Variants in POU5F2 observed in about 807,000 individuals in gnomAD.
POU5F2 encodes the protein POU domain, class 5, transcription factor 2.
For missense variants in POU5F2, 401 were observed against 426.6 expected (o/e 0.94, Z 0.53); for synonymous variants, 191 against 178.7 (o/e 1.07, Z -0.55).
chr5:93,736,172 A>G lies in POU5F2; in HGVS notation c.*4405T>C, dbSNP rs531455647. The G allele has an allele frequency of 2.6e-5, 4 of 152,272 alleles. No homozygotes were observed. The highest frequency in any genetic ancestry group is 6.5e-5 in the Admixed American group (1 of 15,308). The allele number at this position is 152,272 out of a possible 1,614,324, so 9.4% of individuals were successfully genotyped here. On this transcript the variant is annotated 3_prime_UTR_variant, in exon 1 of 1. Coordinates refer to ENST00000606183, the MANE Select transcript of POU5F2 (RefSeq NM_153216.2). ...CATTTACACTTGCTTTGTGGCCATC[A>G]TATTTCCAATGTGATTCTATATTCT...
rs2149611468 is a variant in POU5F2 at position 93,741,023 on chromosome 5, G to C, written c.541C>G (p.Arg181Gly). The change falls in exon 1 of 1, where the codon CGA becomes GGA. Residue 181 changes from arginine to glycine, a missense_variant. By Grantham distance (125) the Arg-to-Gly change is moderately radical. Coordinates refer to ENST00000606183, the MANE Select transcript of POU5F2 (RefSeq NM_153216.2). The stretch of plus-strand genomic sequence containing the variant: ...TTCAGCCACTTTTTCAGCAGTGGTC[G>C]CAGCTTCCACATGTTGGCGACGCTT... ...QLSVANMWKL[R>G]PLLKKWLKEV... 1.2e-6 allele frequency: 2 copies of C among 1,613,692 alleles called. No homozygotes were observed. Among genetic ancestry groups the C allele is most frequent in the Non-Finnish European group, 1.7e-6 (2 of 1,179,912 alleles).
rs1017030759 is a variant in POU5F2, at chr5:93,736,389, C to A, written c.*4188G>T. ...AATGTAAGTGCAGCATTAATATTTA[C>A]TTGACTTTTGTTTTTAAAGTACTTC... On this transcript the variant is annotated 3_prime_UTR_variant, in exon 1 of 1. Transcript: ENST00000606183. 3.3e-5 allele frequency: 5 copies of A among 152,164 alleles called. No individual in the cohort carries two copies. The highest frequency in any genetic ancestry group is 1.2e-4 in the African/African-American group (5 of 41,450). The allele number at this position is 152,164 out of a possible 1,614,324, so 9.4% of individuals were successfully genotyped here. A position where few individuals can be genotyped will look rare whatever the true frequency, so the allele number is the denominator to read the frequency against.
In POU5F2 at chr5:93,736,812, G is replaced by A. The variant is rs980344373; in HGVS notation, c.*3765C>T. On this transcript the variant is annotated 3_prime_UTR_variant, in exon 1 of 1. Coordinates refer to ENST00000606183, the MANE Select transcript of POU5F2 (RefSeq NM_153216.2). The stretch of plus-strand genomic sequence containing the variant: ...AAGAAAAAAGGAACTTCCTCAACAT[G>A]TAGAGTACGTATGAAAAAGCCAGAG... The A allele has an allele frequency of 6.6e-6, 1 of 152,138 alleles. No homozygotes were observed. The highest frequency in any genetic ancestry group is 2.4e-5 in the African/African-American group (1 of 41,418). The allele number at this position is 152,138 out of a possible 1,614,324, so 9.4% of individuals were successfully genotyped here. A position where few individuals can be genotyped will look rare whatever the true frequency, so the allele number is the denominator to read the frequency against.
Position 93,738,016 on chromosome 5 carries a change from A to G in POU5F2, c.*2561T>C, listed in dbSNP as rs1357214437. 1 of 401,782 alleles carries G rather than the reference A, an allele frequency of 2.5e-6. No homozygotes were observed. The highest frequency in any genetic ancestry group is 7.5e-5 in the East Asian group (1 of 13,296). 24.9% of individuals were successfully genotyped at this position (401,782 alleles called of 1,614,324 possible). ...TCTGTCTGCATCAAAAGATACAGTCAAAAGAGTAAAAGGACAACCCACAGA... is the reference window on the plus strand; with the variant it reads ...TCTGTCTGCATCAAAAGATACAGTCGAAAGAGTAAAAGGACAACCCACAGA... On this transcript the variant is annotated 3_prime_UTR_variant, in exon 1 of 1. Transcript: ENST00000606183.
In POU5F2 at chr5:93,741,369, C is replaced by T. The variant is rs1463989535; in HGVS notation, c.195G>A (p.Leu65=). 6.2e-7 allele frequency: 1 copy of T among 1,611,796 alleles called. No homozygotes were observed. The highest frequency in any genetic ancestry group is 8.5e-7 in the Non-Finnish European group (1 of 1,178,752). Residue 65 remains leucine (L), a synonymous_variant, in exon 1 of 1, where the codon CTG becomes CTA. Coordinates refer to ENST00000606183, the MANE Select transcript of POU5F2 (RefSeq NM_153216.2). ...CPGPDVWRIP[L]GPLPHEFRGW... is the part of the protein sequence containing the mutation. ...CCCGGAATTCGTGTGGCAGGGGACC[C>T]AGGGGAATCCTCCACACGTCAGGGC... is the stretch of plus-strand genomic sequence containing the variant.
rs1186631328 is a variant in POU5F2, at chr5:93,737,412, G to A, written c.*3165C>T. The A allele has an allele frequency of 1.3e-5, 2 of 151,998 alleles. No individual in the cohort carries two copies. The highest frequency in any genetic ancestry group is 2.9e-5 in the Non-Finnish European group (2 of 68,000). 9.4% of individuals were successfully genotyped at this position (151,998 alleles called of 1,614,324 possible). ...TGTAACAAAATCTCAATGGTGTTTTGGGCAGAAATGGAAAAACTGATCCTA... is the reference window on the plus strand; with the variant it reads ...TGTAACAAAATCTCAATGGTGTTTTAGGCAGAAATGGAAAAACTGATCCTA... On this transcript the variant is annotated 3_prime_UTR_variant, in exon 1 of 1. Transcript: ENST00000606183.
chr5:93,741,249 A>G lies in POU5F2; in HGVS notation c.315T>C (p.Ile105=), dbSNP rs768452555. The change falls in exon 1 of 1, where the codon ATT becomes ATC. Residue 105 remains isoleucine, a synonymous_variant. Coordinates refer to ENST00000606183, the MANE Select transcript of POU5F2 (RefSeq NM_153216.2). ...PSEGALPGPY[I]ALRSIPKLPP... ...GCAACTTCGGAATGCTCCGCAGGGC[A>G]ATGTAGGGCCCCGGGAGGGCGCCTT... 3.8e-5 allele frequency: 61 copies of G among 1,613,796 alleles called. No individual in the cohort carries two copies. Among genetic ancestry groups the G allele is most frequent in the Non-Finnish European group, 4.9e-5 (58 of 1,179,880 alleles).
rs1174946634 is a variant in POU5F2, at chr5:93,736,739, G to A, written c.*3838C>T. The A allele has an allele frequency of 6.6e-6, 1 of 152,004 alleles. No homozygotes were observed. The highest frequency in any genetic ancestry group is 1.5e-5 in the Non-Finnish European group (1 of 67,988). The allele number at this position is 152,004 out of a possible 1,614,324, so 9.4% of individuals were successfully genotyped here. A position where few individuals can be genotyped will look rare whatever the true frequency, so the allele number is the denominator to read the frequency against. On this transcript the variant is annotated 3_prime_UTR_variant, in exon 1 of 1. Coordinates refer to ENST00000606183, the MANE Select transcript of POU5F2 (RefSeq NM_153216.2). ...TTAAGCATTTTTCATTTATTCCAGAGAAACTGTCAAAAACCCATACCCTCG... is the reference window on the plus strand; with the variant it reads ...TTAAGCATTTTTCATTTATTCCAGAAAAACTGTCAAAAACCCATACCCTCG...
In POU5F2 at chr5:93,741,022, C is replaced by T. The variant is rs778100007; in HGVS notation, c.542G>A (p.Arg181Gln). ...QLSVANMWKLRPLLKKWLKEV... is the reference protein window; with the variant it reads ...QLSVANMWKLQPLLKKWLKEV... ...CTTCAGCCACTTTTTCAGCAGTGGT[C>T]GCAGCTTCCACATGTTGGCGACGCT... Residue 181 changes from arginine to glutamine, a missense_variant, in exon 1 of 1, where the codon CGA becomes CAA. By Grantham distance (43) the Arg-to-Gln change is conservative. Transcript: ENST00000606183. 1 of 1,613,790 alleles carries T rather than the reference C, an allele frequency of 6.2e-7. No homozygotes were observed. The highest frequency in any genetic ancestry group is 8.5e-7 in the Non-Finnish European group (1 of 1,179,908).
rs1379985533 is a variant in POU5F2 at position 93,736,769 on chromosome 5, T to G, written c.*3808A>C. On this transcript the variant is annotated 3_prime_UTR_variant, in exon 1 of 1. Coordinates refer to ENST00000606183, the MANE Select transcript of POU5F2 (RefSeq NM_153216.2). ...TGTCAAAAACCCATACCCTCGCATA[T>G]AAAACATTCAATAACCTAAGAAAAA... 1 of 152,096 alleles carries G rather than the reference T, an allele frequency of 6.6e-6. No homozygotes were observed. The highest frequency in any genetic ancestry group is 1.5e-5 in the Non-Finnish European group (1 of 67,996). 9.4% of individuals were successfully genotyped at this position (152,096 alleles called of 1,614,324 possible).
At position 93,741,376 on chromosome 5, in the gene POU5F2, A is replaced by G; in HGVS notation, c.188T>C (p.Ile63Thr). ...GICPGPDVWR[I>T]PLGPLPHEFR... Reference sequence around the variant, plus strand: ...TTCGTGTGGCAGGGGACCCAGGGGAATCCTCCACACGTCAGGGCCTGGGCA... The same window carrying G: ...TTCGTGTGGCAGGGGACCCAGGGGAGTCCTCCACACGTCAGGGCCTGGGCA... The change falls in exon 1 of 1, where the codon ATT becomes ACT. Residue 63 changes from isoleucine (I) to threonine (T), a missense_variant. By Grantham distance (89) the Ile-to-Thr change is moderately conservative. Transcript: ENST00000606183. 1.2e-6 allele frequency: 2 copies of G among 1,612,336 alleles called. No individual in the cohort carries two copies. Among genetic ancestry groups the G allele is most frequent in the Non-Finnish European group, 1.7e-6 (2 of 1,179,080 alleles).
In POU5F2 at chr5:93,740,397, C is replaced by G. The variant is rs1340966357; in HGVS notation, c.*180G>C. The G allele has an allele frequency of 1.6e-6, 1 of 626,904 alleles. No individual in the cohort carries two copies. The highest frequency in any genetic ancestry group is 1.8e-5 in the African/African-American group (1 of 54,702). The allele number at this position is 626,904 out of a possible 1,614,324, so 38.8% of individuals were successfully genotyped here. On this transcript the variant is annotated 3_prime_UTR_variant, in exon 1 of 1. Coordinates refer to ENST00000606183, the MANE Select transcript of POU5F2 (RefSeq NM_153216.2). ...ACAAAACTGCAATAAACTTCATCTT[C>G]TCTCCCAGGTTTTTCTTGAACAATT... is the stretch of plus-strand genomic sequence containing the variant.
Position 93,740,671 on chromosome 5 carries a change from A to G in POU5F2, c.893T>C (p.Leu298Pro). ...APVCFHLGLG[L>P]PVDIPHYTRL... ...TGTATAGTGGGGGATATCCACTGGG[A>G]GCCCCAGTCCCAGGTGAAAGCACAC... Residue 298 changes from leucine to proline, a missense_variant, in exon 1 of 1, where the codon CTC becomes CCC. Physicochemically the swap from Leu to Pro is moderately conservative, Grantham distance 98 (BLOSUM62 -3). Coordinates refer to ENST00000606183, the MANE Select transcript of POU5F2 (RefSeq NM_153216.2). 4.3e-6 allele frequency: 7 copies of G among 1,613,610 alleles called. No homozygotes were observed. Among genetic ancestry groups the G allele is most frequent in the Non-Finnish European group, 5.9e-6 (7 of 1,179,762 alleles).
In POU5F2 at chr5:93,738,081, C is replaced by T. The variant is rs1747605609; in HGVS notation, c.*2496G>A. 2 of 281,722 alleles carry T rather than the reference C, an allele frequency of 7.1e-6. No individual in the cohort carries two copies. The highest frequency in any genetic ancestry group is 4.5e-5 in the African/African-American group (2 of 44,012). 17.5% of individuals were successfully genotyped at this position (281,722 alleles called of 1,614,324 possible). Reference sequence around the variant, plus strand: ...TTGCAAACCATCTATCTGATAAGGGCTTAATATCCAGACTCTATGAAGAAA... The same window carrying T: ...TTGCAAACCATCTATCTGATAAGGGTTTAATATCCAGACTCTATGAAGAAA... On this transcript the variant is annotated 3_prime_UTR_variant, in exon 1 of 1. Transcript: ENST00000606183.
At position 93,734,588 on chromosome 5, in the gene POU5F2, C is replaced by G. The variant is rs1322666792; in HGVS notation, c.*5989G>C. On this transcript the variant is annotated 3_prime_UTR_variant, in exon 1 of 1. Transcript: ENST00000606183. ...TTGTCTATAGGAAATACAAGATAAC[C>G]AAAATGTTTGATAATGAAACATTTT... 1 of 152,076 alleles carries G rather than the reference C, an allele frequency of 6.6e-6. No individual in the cohort carries two copies. Among genetic ancestry groups the G allele is most frequent in the Non-Finnish European group, 1.5e-5 (1 of 68,000 alleles). The allele number at this position is 152,076 out of a possible 1,614,324, so 9.4% of individuals were successfully genotyped here.
In POU5F2 at chr5:93,740,434, T is replaced by C; in HGVS notation, c.*143A>G. 1.2e-6 allele frequency: 1 copy of C among 855,660 alleles called. No individual in the cohort carries two copies. 53.0% of individuals were successfully genotyped at this position (855,660 alleles called of 1,614,324 possible). On this transcript the variant is annotated 3_prime_UTR_variant, in exon 1 of 1. Transcript: ENST00000606183. ...TTTCTTGAACAATTCCCACCCCCAT[T>C]CCCTACTATGTATCCTTAACTTCTT... is the stretch of plus-strand genomic sequence containing the variant.
Position 93,741,029 on chromosome 5 carries a change from T to C in POU5F2, c.535A>G (p.Lys179Glu). 1 of 1,613,814 alleles carries C rather than the reference T, an allele frequency of 6.2e-7. No individual in the cohort carries two copies. Among genetic ancestry groups the C allele is most frequent in the Non-Finnish European group, 8.5e-7 (1 of 1,179,918 alleles). The change falls in exon 1 of 1, where the codon AAG becomes GAG. Residue 179 changes from lysine (K) to glutamate (E), a missense_variant. Physicochemically the swap from Lys to Glu is moderately conservative, Grantham distance 56. Transcript: ENST00000606183. ...CACTTTTTCAGCAGTGGTCGCAGCT[T>C]CCACATGTTGGCGACGCTTAGCTGC... ...AQQLSVANMW[K>E]LRPLLKKWLK...
Position 93,739,400 on chromosome 5 carries a change from A to C in POU5F2, c.*1177T>G, listed in dbSNP as rs1457859176. The C allele has an allele frequency of 6.6e-6, 1 of 152,192 alleles. No homozygotes were observed. The highest frequency in any genetic ancestry group is 2.4e-5 in the African/African-American group (1 of 41,450). 9.4% of individuals were successfully genotyped at this position (152,192 alleles called of 1,614,324 possible). A position where few individuals can be genotyped will look rare whatever the true frequency, so the allele number is the denominator to read the frequency against. Reference sequence around the variant, plus strand: ...ATTGTAGTAAGTAGAATAAGTAAAAAAGCTTATACTTTGAAAATACCTATA... The same window carrying C: ...ATTGTAGTAAGTAGAATAAGTAAAACAGCTTATACTTTGAAAATACCTATA... On this transcript the variant is annotated 3_prime_UTR_variant, in exon 1 of 1. Transcript: ENST00000606183.
rs1747283076 is a variant in POU5F2, at chr5:93,736,666, G to T, written c.*3911C>A. 1 of 152,114 alleles carries T rather than the reference G, an allele frequency of 6.6e-6. No homozygotes were observed. The highest frequency in any genetic ancestry group is 1.5e-5 in the Non-Finnish European group (1 of 68,010). 9.4% of individuals were successfully genotyped at this position (152,114 alleles called of 1,614,324 possible). On this transcript the variant is annotated 3_prime_UTR_variant, in exon 1 of 1. Transcript: ENST00000606183. Reference sequence around the variant, plus strand: ...TACTGGGGAAGGAAGTAGTGGTACTGGTAGTTAGCATAATCTTATGAAATA... The same window carrying T: ...TACTGGGGAAGGAAGTAGTGGTACTTGTAGTTAGCATAATCTTATGAAATA...
Sources: gnomAD v4.1 joint callset for allele counts on GRCh38, gnomAD v4.1.1 for gene constraint, MANE v1.5 for transcripts, NCBI Gene and HGNC (gene_info 2026-07-23, HGNC 2026-07-21) for gene names.